The following GNS variants were observed in gnomAD, a reference collection of about 807,000 sequenced individuals.
GNS encodes N-acetylglucosamine-6-sulfatase.
Under a neutral mutation model 69.7 loss-of-function variants are expected in GNS, and 40 were observed. The observed-to-expected ratio is 0.57, with a 90% CI of 0.45 to 0.75. The LOEUF (loss-of-function observed/expected upper bound fraction) is 0.75, where lower values mean the gene tolerates loss of function less well. Ranked by LOEUF, GNS falls within the 30% of genes least tolerant of loss-of-function variation. The pLI is 0.00. For synonymous variants in GNS, 243 were observed against 251.6 expected, an observed-to-expected ratio of 0.97 and a Z score of 0.32; for missense variants, 565 against 685.5, an observed-to-expected ratio of 0.82 and a Z score of 1.96.
At chr12:64,722,724 G>A (rs534146020) in intron 11 of GNS, 2 of 407,910 alleles carry the variant, frequency 4.9e-6, no homozygotes, top group African/African-American at 2.0e-5. Flanking sequence ...TACTGTTATT[G>A]GGAGGGGTAG....
At chr12:64,736,408 T>C (rs1377562010) in intron 9 of GNS, among the ~76,000 whole-genome samples, 2 of 152,182 alleles carry the variant, frequency 1.3e-5, no homozygotes, top group South Asian at 2.1e-4. Flanking sequence ...GATAGCCTTA[T>C]ACTCAAAGCA....
intron 12 of GNS, among the ~76,000 whole-genome samples, 161 bp downstream of exon 12, chr12:64,721,433 AC>A (rs1324602878): frequency 6.6e-6 from 1 of 152,224 alleles, no homozygotes. Context: ...GAGAAGTGAG[AC>A]ATGGCCTTAC....
rs1037326976 is a variant in GNS at position 64,758,873 on chromosome 12, C to A, written c.192+212G>T. Among the ~76,000 whole-genome samples the A allele has an allele frequency of 2.0e-5, 3 of 152,220 alleles. No homozygotes were observed. In the East Asian group the frequency reaches 5.8e-4, roughly 29 times the overall value. On this transcript the variant is annotated intron_variant, in intron 1 of 13. Coordinates refer to ENST00000258145, the MANE Select transcript of GNS (RefSeq NM_002076.4). Reference sequence around the variant, plus strand: ...AGCAGTACGGTCCAGACTAGAAGCTCTGTGTGCTGTACGCATGTGCCTCAA... The same window carrying A: ...AGCAGTACGGTCCAGACTAGAAGCTATGTGTGCTGTACGCATGTGCCTCAA...
At chr12:64,758,073 G>A (rs1373798643) in intron 1 of GNS, among the ~76,000 whole-genome samples, 6 of 152,272 alleles carry the variant, frequency 3.9e-5, no homozygotes, top group Admixed American at 3.3e-4. Flanking sequence ...AGGGGTTGGA[G>A]TGGATGTTTC....
At chr12:64,746,650 C>T (rs1211796826) in intron 3 of GNS, among the ~76,000 whole-genome samples, 1 of 152,160 alleles carries the variant, frequency 6.6e-6, no homozygotes, top group East Asian at 1.9e-4. Context: ...AGGTTTAATG[C>T]CATCCACTTA....
intron 1 of GNS, among the ~76,000 whole-genome samples, chr12:64,753,967 T>G (rs1052752709): frequency 6.6e-6 from 1 of 152,132 alleles, no homozygotes; most frequent in Non-Finnish European, 1.5e-5. Flanking sequence ...AACACCTGAG[T>G]TACTGTGAGG....
At chr12:64,755,677 G>T (rs1428832392) in intron 1 of GNS, among the ~76,000 whole-genome samples, 1 of 146,250 alleles carries the variant, frequency 6.8e-6, no homozygotes, top group Admixed American at 6.8e-5. Flanking sequence ...TAGAGTAAAT[G>T]ATTTTTTTTT....
chr12:64,747,959 A>G (rs772386330), intron 2 of GNS, 41 bp from the exon 3 acceptor site: 1 of 1,030,050 alleles, frequency 9.7e-7, no homozygotes, highest in East Asian at 2.4e-5. Context: ...GTCACACAAG[A>G]AAGATGGACT....
intron 1 of GNS, 69 bp from the exon 2 acceptor site, chr12:64,752,826 C>T (rs1023946416): frequency 1.2e-6 from 1 of 818,672 alleles, no homozygotes; most frequent in African/African-American, 1.7e-5. Flanking sequence ...CCCAGAATTC[C>T]TGTTTTGTTA....
chr12:64,722,915 T>A, intron 11 of GNS, 91 bp downstream of exon 11: 1 of 809,536 alleles, frequency 1.2e-6, no homozygotes, highest in Non-Finnish European at 2.2e-6. Flanking sequence ...AGGACTCAGA[T>A]GAAAGGTTTC....
intron 13 of GNS, among the ~76,000 whole-genome samples, chr12:64,719,357 T>C (rs1269925704): frequency 6.6e-6 from 1 of 152,214 alleles, no homozygotes; most frequent in Non-Finnish European, 1.5e-5. Context: ...AACTTCATGA[T>C]CTTCAAGCAA....
chr12:64,734,233 G>A (rs563326037), intron 9 of GNS, among the ~76,000 whole-genome samples: 38 of 152,324 alleles, frequency 2.5e-4, no homozygotes, highest in African/African-American at 7.5e-4. Context: ...CACTTACTTT[G>A]CGACCTTGGC....
chr12:64,723,998 T>C (rs1396621992), intron 10 of GNS, among the ~76,000 whole-genome samples: 1 of 152,098 alleles, frequency 6.6e-6, no homozygotes, highest in Non-Finnish European at 1.5e-5. Flanking sequence ...AGTGGCAGAA[T>C]CTAGAGACAG....
At chr12:64,726,678 TAG>T (rs1159049914) in intron 10 of GNS, among the ~76,000 whole-genome samples, 1 of 152,136 alleles carries the variant, frequency 6.6e-6, no homozygotes, top group African/African-American at 2.4e-5. Context: ...GTATTTTTTG[TAG>T]AGACTGGGTC....
At chr12:64,745,748 C>T (rs1210024684) in intron 3 of GNS, 24 bp from the exon 4 acceptor site, 2 of 1,446,738 alleles carry the variant, frequency 1.4e-6, no homozygotes, top group Non-Finnish European at 1.9e-6. Flanking sequence ...CAAGTAGGGA[C>T]AATTACAAGT....
intron 11 of GNS, chr12:64,722,732 T>G (rs1592492592): frequency 2.4e-6 from 1 of 409,438 alleles, no homozygotes; most frequent in Non-Finnish European, 4.6e-6. Flanking sequence ...TTGGGAGGGG[T>G]AGAAAAACAG....
rs2270480 is a variant in GNS, at chr12:64,739,181, G to A, written c.994+200C>T. Among the ~76,000 whole-genome samples, 23 of 152,214 alleles carry A rather than the reference G, an allele frequency of 1.5e-4. No individual in the cohort carries two copies. The East Asian group carries it at 4.3e-3, about 28-fold the overall frequency. ...CCTAGAACACCATGTCATCTTGCAT[G>A]TGAAACAGCAAATAATGAAACCTGG... is the stretch of plus-strand genomic sequence containing the variant. On this transcript the variant is annotated intron_variant, in intron 8 of 13. Transcript: ENST00000258145.
intron 2 of GNS, among the ~76,000 whole-genome samples, chr12:64,750,901 G>A (rs1870056825): frequency 6.6e-6 from 1 of 152,062 alleles, no homozygotes; most frequent in African/African-American, 2.4e-5. Context: ...GTGAGACCCT[G>A]TCTCAAAAAA....
chr12:64,755,221 T>C (rs1870211180), intron 1 of GNS, among the ~76,000 whole-genome samples: 1 of 152,202 alleles, frequency 6.6e-6, no homozygotes, highest in African/African-American at 2.4e-5. Flanking sequence ...CCTGGTTCCA[T>C]GCACAGTTGC....
Sources: allele counts gnomAD v4.1 joint callset (sites outside exome capture counted in the v4.1 genomes callset), GRCh38; gene constraint gnomAD v4.1.1; transcripts MANE v1.5; gene names NCBI Gene and HGNC (gene_info 2026-07-23, HGNC 2026-07-21).